The following CERKL variants were observed in gnomAD, a reference collection of about 807,000 sequenced individuals.
CERKL encodes the protein CERK like autophagy regulator.
CERKL carries 61 observed loss-of-function variants against 63.4 expected under a neutral mutation model. The observed-to-expected ratio is 0.96, with a 90% confidence interval of 0.78 to 1.19. CERKL has a LOEUF of 1.19. Among genes scored for constraint, CERKL ranks in the 50% most tolerant of loss-of-function variants. The probability of loss-of-function intolerance (pLI) is 0.00; values close to 1 mark genes in which losing one functional copy is unlikely to be tolerated. For synonymous variants in CERKL, 250 were observed against 230.5 expected (o/e 1.08, Z -0.77); for missense variants, 675 against 655.5 (o/e 1.03, Z -0.33).
chr2:181,543,255 G>A (rs1228094336), intron 11 of CERKL, among the ~76,000 whole-genome samples: 1 of 152,036 alleles, frequency 6.6e-6, no homozygotes, highest in Non-Finnish European at 1.5e-5. Context: ...ATAGTGCTTT[G>A]GGTTTTTTAA....
chr2:181,622,316 C>A (rs1574507906), intron 1 of CERKL, among the ~76,000 whole-genome samples: 1 of 152,182 alleles, frequency 6.6e-6, no homozygotes, highest in Admixed American at 6.5e-5. Context: ...GGCTTGCTAC[C>A]AACATGTCCA....
intron 1 of CERKL, among the ~76,000 whole-genome samples, chr2:181,635,627 G>C (rs1269310664): frequency 6.6e-6 from 1 of 152,074 alleles, no homozygotes. Flanking sequence ...CAATTGTATT[G>C]ATCTTATTTT....
chr2:181,565,479 A>G (rs1287825830), intron 4 of CERKL: 2 of 1,611,954 alleles, frequency 1.2e-6, no homozygotes, highest in African/African-American at 2.7e-5. Flanking sequence ...TGTACACTCC[A>G]ATGTATTGCG....
intron 1 of CERKL, among the ~76,000 whole-genome samples, chr2:181,622,029 G>A (rs900624168): frequency 2.0e-5 from 3 of 152,120 alleles, no homozygotes; most frequent in African/African-American, 7.2e-5. Context: ...ACATTATAAA[G>A]GACAGAGTCA....
chr2:181,544,222 A>G (rs1334561639), intron 11 of CERKL, among the ~76,000 whole-genome samples: 1 of 152,176 alleles, frequency 6.6e-6, no homozygotes, highest in East Asian at 1.9e-4. Context: ...TTTTGAATGA[A>G]TATTTGTATA....
At chr2:181,612,290 CAACA>C in intron 1 of CERKL, among the ~76,000 whole-genome samples, 1 of 152,170 alleles carries the variant, frequency 6.6e-6, no homozygotes. Flanking sequence ...TATAAATTAC[CAACA>C]AAAATTACAG....
intron 1 of CERKL, among the ~76,000 whole-genome samples, chr2:181,628,023 A>G (rs1418183879): frequency 2.0e-5 from 3 of 152,222 alleles, no homozygotes; most frequent in African/African-American, 7.2e-5. Flanking sequence ...CACGACAGGA[A>G]TCATTTAAGA....
chr2:181,620,030 T>C (rs961750298), intron 1 of CERKL, among the ~76,000 whole-genome samples: 1 of 152,198 alleles, frequency 6.6e-6, no homozygotes, highest in Admixed American at 6.5e-5. Context: ...TCTTTGTGTA[T>C]ATTAAAATGT....
chr2:181,578,094 C>T (rs1033106203), intron 2 of CERKL, among the ~76,000 whole-genome samples: 1 of 152,092 alleles, frequency 6.6e-6, no homozygotes, highest in African/African-American at 2.4e-5. Flanking sequence ...CCTTATTTAG[C>T]GCATTCACTG....
intron 1 of CERKL, among the ~76,000 whole-genome samples, chr2:181,654,180 A>C (rs1367990686): frequency 6.6e-6 from 1 of 151,588 alleles, no homozygotes; most frequent in Non-Finnish European, 1.5e-5. Flanking sequence ...AAAAATCCCC[A>C]AAAAGCGCTG....
chr2:181,548,577 T>TA lies in CERKL; in HGVS notation c.1100dup (p.Leu367PhefsTer4). The TA allele has an allele frequency of 1.2e-6, 2 of 1,612,946 alleles. No homozygotes were observed. Among genetic ancestry groups the TA allele is most frequent in the Non-Finnish European group, 1.7e-6 (2 of 1,179,180 alleles). On this transcript the variant is annotated frameshift_variant, in exon 8 of 13. Coordinates refer to ENST00000410087, the MANE Select transcript of CERKL (RefSeq NM_201548.5). LOFTEE classifies it high-confidence loss of function. ...GCACATCATCAGAGCTGTTAAATGGTAAAAATGATATTTCACAGTCTTCTG... is the reference window on the plus strand; with the variant it reads ...GCACATCATCAGAGCTGTTAAATGGTAAAAAATGATATTTCACAGTCTTCTG...
At chr2:181,646,936 GA>G (rs1399477772) in intron 1 of CERKL, among the ~76,000 whole-genome samples, 1 of 151,924 alleles carries the variant, frequency 6.6e-6, no homozygotes, top group Non-Finnish European at 1.5e-5. Flanking sequence ...GAGCAAGTGA[GA>G]AAAAAATAAA....
chr2:181,607,728 C>T (rs962166852), intron 1 of CERKL, among the ~76,000 whole-genome samples: 16 of 152,162 alleles, frequency 1.1e-4, no homozygotes, highest in African/African-American at 3.4e-4. Flanking sequence ...TTCCTCTACC[C>T]TCAAGAATGA....
At chr2:181,560,433 A>C (rs968859093) in intron 4 of CERKL, among the ~76,000 whole-genome samples, 6 of 152,186 alleles carry the variant, frequency 3.9e-5, no homozygotes, top group African/African-American at 9.6e-5. Context: ...AAACATCTGA[A>C]ATTTTGTCAT....
chr2:181,620,362 C>T (rs1453067521), intron 1 of CERKL, among the ~76,000 whole-genome samples: 3 of 152,148 alleles, frequency 2.0e-5, no homozygotes, highest in Non-Finnish European at 4.4e-5. Context: ...CCCATTACTT[C>T]CCAGCAGTCA....
chr2:181,579,803 T>A (rs1309108536), intron 2 of CERKL, among the ~76,000 whole-genome samples: 1 of 151,960 alleles, frequency 6.6e-6, no homozygotes, highest in South Asian at 2.1e-4. Context: ...TTTTTCCAGA[T>A]GGCTATCTAC....
chr2:181,626,447 T>C (rs1686707379), intron 1 of CERKL, among the ~76,000 whole-genome samples: 1 of 152,142 alleles, frequency 6.6e-6, no homozygotes, highest in Non-Finnish European at 1.5e-5. Flanking sequence ...CACCCACTGA[T>C]GCCACATGCC....
At chr2:181,541,096 A>G (rs1011609298) in intron 11 of CERKL, among the ~76,000 whole-genome samples, 2 of 152,236 alleles carry the variant, frequency 1.3e-5, no homozygotes, top group Admixed American at 1.3e-4. Context: ...TGTATACCTC[A>G]GAACATAACT....
rs1429595988 is a variant in CERKL at position 181,657,036 on chromosome 2, G to A, written c.-30C>T. 2 of 1,554,454 alleles carry A rather than the reference G, an allele frequency of 1.3e-6. No individual in the cohort carries two copies. Among genetic ancestry groups the A allele is most frequent in the African/African-American group, 1.4e-5 (1 of 73,528 alleles). On this transcript the variant is annotated 5_prime_UTR_variant, in exon 1 of 13. Coordinates refer to ENST00000410087, the MANE Select transcript of CERKL (RefSeq NM_201548.5). ...GAGTCGCAGGCTGGGCCCGAGCCAG[G>A]GGTCCGGGGAGGCCTTTGGAGAAGG...
Sources: allele counts gnomAD v4.1 joint callset (sites outside exome capture counted in the v4.1 genomes callset), GRCh38; gene constraint gnomAD v4.1.1; transcripts MANE v1.5; gene names NCBI Gene and HGNC (gene_info 2026-07-23, HGNC 2026-07-21).